Variants in CCBE1 observed in about 807,000 individuals in gnomAD.
CCBE1 encodes the protein collagen and calcium binding EGF domains 1.
CCBE1 carries 37 observed loss-of-function variants against 50.0 expected under a neutral mutation model. The ratio of observed to expected loss-of-function variants is 0.74; its 90% confidence interval spans 0.57 to 0.97. CCBE1 has a LOEUF of 0.97. Among genes scored for constraint, CCBE1 ranks in the 50% least tolerant of loss-of-function variants. CCBE1 has a pLI of 0.00. For synonymous variants in CCBE1, 234 were observed against 203.7 expected, an observed-to-expected ratio of 1.15 and a Z score of -1.27; for missense variants, 538 against 523.8, an observed-to-expected ratio of 1.03 and a Z score of -0.26.
rs559313920 is a variant in CCBE1, at chr18:59,496,302, C to T, written c.213-16064G>A. 3.9e-5 allele frequency among the ~76,000 whole-genome samples: 6 copies of T among 152,286 alleles called. No individual in the cohort carries two copies. In the South Asian group the frequency reaches 1.2e-3, roughly 32 times the overall value. Reference sequence around the variant, plus strand: ...GGTTGAGTCTCCACTATCTTGAGCACTTAGCCCAGTGTCTGACAAATCACA... The same window carrying T: ...GGTTGAGTCTCCACTATCTTGAGCATTTAGCCCAGTGTCTGACAAATCACA... On this transcript the variant is annotated intron_variant, in intron 2 of 10. Transcript: ENST00000439986.
chr18:59,695,709 G>T (rs972309385), intron 2 of CCBE1, among the ~76,000 whole-genome samples: 16 of 152,108 alleles, frequency 1.1e-4, no homozygotes, highest in Admixed American at 1.3e-4. Context: ...TCGTTTCTAG[G>T]GACTGCTGCG....
intron 2 of CCBE1, among the ~76,000 whole-genome samples, chr18:59,553,253 T>C (rs954913270): frequency 6.6e-6 from 1 of 152,204 alleles, no homozygotes; most frequent in African/African-American, 2.4e-5. Context: ...AATTTAATGA[T>C]CTTGCATTAT....
chr18:59,671,686 G>A (rs530001793), intron 2 of CCBE1, among the ~76,000 whole-genome samples: 7 of 151,968 alleles, frequency 4.6e-5, no homozygotes, highest in African/African-American at 1.4e-4. Context: ...GTGGTCACTT[G>A]GAACAACTGT....
chr18:59,460,849 C>T (rs59406019), intron 5 of CCBE1, among the ~76,000 whole-genome samples: 20,142 of 151,860 alleles, frequency 0.13, 1,614 homozygotes, highest in African/African-American at 0.22. Flanking sequence ...GGATGGGAAT[C>T]GCTTGAACCT....
In CCBE1 at chr18:59,480,191, G is replaced by T. The variant is rs756973760; in HGVS notation, c.260C>A (p.Pro87Gln). The change falls in exon 3 of 11, where the codon CCA becomes CAA. Residue 87 changes from proline (P) to glutamine (Q), a missense_variant. Transcript: ENST00000439986. ...GYKFVLGQCI[P>Q]EDYDVCAEAP... is the part of the protein sequence containing the mutation. ...ATCTTTTTTATATTACATACCTTCT[G>T]GGATGCATTGTCCAAGAACAAATTT... 105 of 1,585,546 alleles carry T rather than the reference G, an allele frequency of 6.6e-5. No individual in the cohort carries two copies. In the South Asian group the frequency reaches 1.0e-3, roughly 15 times the overall value.
At chr18:59,643,095 G>A (rs527953431) in intron 2 of CCBE1, among the ~76,000 whole-genome samples, 16 of 152,248 alleles carry the variant, frequency 1.1e-4, no homozygotes, top group African/African-American at 2.9e-4. Context: ...GTACCAGTCT[G>A]CACTCTGATG....
rs1446658477 is a variant in CCBE1 at position 59,592,401 on chromosome 18, A to G, written c.212+104228T>C. Among the ~76,000 whole-genome samples the G allele has an allele frequency of 3.3e-5, 5 of 152,226 alleles. No individual in the cohort carries two copies. In the East Asian group the frequency reaches 9.6e-4, roughly 29 times the overall value. ...TGAAATCTAAAACTTTTCTGGTTCT[A>G]AGCATTTTGAAAAAGGCAACTCAAA... On this transcript the variant is annotated intron_variant, in intron 2 of 10. Transcript: ENST00000439986.
intron 2 of CCBE1, among the ~76,000 whole-genome samples, chr18:59,575,014 A>G (rs2052972469): frequency 6.6e-6 from 1 of 152,210 alleles, no homozygotes; most frequent in Non-Finnish European, 1.5e-5. Context: ...AGACACACAC[A>G]CAGGGAAAAC....
intron 2 of CCBE1, among the ~76,000 whole-genome samples, chr18:59,627,144 A>G (rs780579001): frequency 6.6e-6 from 1 of 152,218 alleles, no homozygotes; most frequent in Non-Finnish European, 1.5e-5. Flanking sequence ...GTATACTGTG[A>G]AGATACTGCA....
chr18:59,684,642 T>C (rs2054634086), intron 2 of CCBE1, among the ~76,000 whole-genome samples: 1 of 152,224 alleles, frequency 6.6e-6, no homozygotes, highest in Non-Finnish European at 1.5e-5. Flanking sequence ...TTCCTTTTAT[T>C]TCTTGCTTTA....
intron 2 of CCBE1, among the ~76,000 whole-genome samples, chr18:59,693,916 G>A (rs2054771243): frequency 1.8e-5 from 2 of 111,138 alleles, no homozygotes. Flanking sequence ...TCTGTCACCA[G>A]ACTGGAATGC....
chr18:59,523,462 G>A (rs1481735680), intron 2 of CCBE1, among the ~76,000 whole-genome samples: 1 of 151,744 alleles, frequency 6.6e-6, no homozygotes. Context: ...CTGTATAACA[G>A]TACCTATCTC....
intron 2 of CCBE1, among the ~76,000 whole-genome samples, chr18:59,610,565 T>C (rs1184424639): frequency 6.6e-6 from 1 of 152,148 alleles, no homozygotes; most frequent in East Asian, 1.9e-4. Flanking sequence ...CACCAGAATA[T>C]AATGTGTTTT....
chr18:59,496,805 T>C (rs986243313), intron 2 of CCBE1, among the ~76,000 whole-genome samples: 7 of 152,282 alleles, frequency 4.6e-5, no homozygotes, highest in African/African-American at 1.2e-4. Flanking sequence ...TGCTGAGTGG[T>C]CACATAAGCC....
chr18:59,589,427 T>G (rs747182115), intron 2 of CCBE1, among the ~76,000 whole-genome samples: 1 of 152,144 alleles, frequency 6.6e-6, no homozygotes, highest in Non-Finnish European at 1.5e-5. Context: ...AAAAGACTAT[T>G]TCAACCAATA....
chr18:59,532,288 G>T (rs1355149311), intron 2 of CCBE1, among the ~76,000 whole-genome samples: 1 of 152,136 alleles, frequency 6.6e-6, no homozygotes, highest in Non-Finnish European at 1.5e-5. Context: ...TAGGTGATCT[G>T]CCTGTCTCAG....
rs888917676 is a variant in CCBE1, at chr18:59,609,923, T to C, written c.212+86706A>G. On this transcript the variant is annotated intron_variant, in intron 2 of 10. Transcript: ENST00000439986. ...TTTGCTTCTGTACTAATAAGTTCTT[T>C]CTCTGATGTTGGTTTATTCATGCAA... Among the ~76,000 whole-genome samples the C allele has an allele frequency of 5.3e-5, 8 of 152,234 alleles. No homozygotes were observed. The East Asian group carries it at 1.5e-3, about 29-fold the overall frequency.
At chr18:59,697,508 G>C (rs2054828640), upstream of CCBE1, 1 of 896,810 alleles carries the variant, frequency 1.1e-6, no homozygotes, top group Admixed American at 2.9e-5. Context: ...TATGGGGCTG[G>C]GGGGAAAATG....
At chr18:59,696,738 A>G in intron 1 of CCBE1, 29 bp from the exon 2 acceptor site, 1 of 1,609,790 alleles carries the variant, frequency 6.2e-7, no homozygotes, top group Non-Finnish European at 8.5e-7. Flanking sequence ...GAAATGTTCG[A>G]TTCTCAGCGG....
Sources: gnomAD v4.1 joint callset for allele counts (sites outside exome capture counted in the v4.1 genomes callset) on GRCh38, gnomAD v4.1.1 for gene constraint, MANE v1.5 for transcripts, NCBI Gene and HGNC (gene_info 2026-07-23, HGNC 2026-07-21) for gene names.